The following PRDM16 variants were observed in gnomAD, a reference collection of about 807,000 sequenced individuals.
The protein encoded by PRDM16 is PR/SET domain 16.
PRDM16 carries 23 observed loss-of-function variants against 110.6 expected under a neutral mutation model. The observed-to-expected ratio is 0.21, with a 90% confidence interval of 0.15 to 0.29. The LOEUF (loss-of-function observed/expected upper bound fraction) is 0.29, where lower values mean the gene tolerates loss of function less well. Ranked by LOEUF, PRDM16 falls within the 10% of genes least tolerant of loss-of-function variation. The probability of loss-of-function intolerance (pLI) is 1.00; values close to 1 mark genes in which losing one functional copy is unlikely to be tolerated. For synonymous variants in PRDM16, 799 were observed against 781.8 expected (o/e 1.02, Z -0.37); for missense variants, 1,615 against 1,794.3 (o/e 0.90, Z 1.81).
chr1:3,083,305 C>G (rs1642072282), intron 1 of PRDM16, among the ~76,000 whole-genome samples: 1 of 152,238 alleles, frequency 6.6e-6, no homozygotes, highest in Non-Finnish European at 1.5e-5. Context: ...ACATCCCTCC[C>G]CATCATAGCC....
chr1:3,109,930 G>A (rs1379923661), intron 1 of PRDM16, among the ~76,000 whole-genome samples: 1 of 151,610 alleles, frequency 6.6e-6, no homozygotes, highest in Admixed American at 6.6e-5. Context: ...TGCGTGTGGG[G>A]ACACAGTGCT....
chr1:3,198,968 G>C (rs1368698968), intron 2 of PRDM16, among the ~76,000 whole-genome samples: 1 of 152,152 alleles, frequency 6.6e-6, no homozygotes, highest in African/African-American at 2.4e-5. Flanking sequence ...TAGGCCCCAG[G>C]CATTGTCTGT....
chr1:3,088,143 G>A (rs1642191911), intron 1 of PRDM16, among the ~76,000 whole-genome samples: 1 of 152,102 alleles, frequency 6.6e-6, no homozygotes, highest in Non-Finnish European at 1.5e-5. Flanking sequence ...CTCCACCGCT[G>A]CTGCCGGTGC....
chr1:3,240,409 A>C (rs1377739312), intron 2 of PRDM16, among the ~76,000 whole-genome samples: 1 of 109,732 alleles, frequency 9.1e-6, no homozygotes, highest in South Asian at 3.1e-4. Context: ...ACCTGTTTCA[A>C]AAAAAAAAAA....
intron 1 of PRDM16, among the ~76,000 whole-genome samples, chr1:3,162,384 C>T (rs1643906385): frequency 6.6e-6 from 1 of 152,180 alleles, no homozygotes; most frequent in Non-Finnish European, 1.5e-5. Flanking sequence ...CTTTCTTTCC[C>T]TGTGGATAGG....
At chr1:3,321,365 T>C (rs1310654116) in intron 3 of PRDM16, among the ~76,000 whole-genome samples, 6 of 144,076 alleles carry the variant, frequency 4.2e-5, no homozygotes, top group Admixed American at 4.1e-4. Flanking sequence ...TGTGTGTGAC[T>C]ATGTGCATTT....
chr1:3,116,056 G>A (rs989308745), intron 1 of PRDM16, among the ~76,000 whole-genome samples: 1 of 152,216 alleles, frequency 6.6e-6, no homozygotes, highest in African/African-American at 2.4e-5. Flanking sequence ...ACGCAGGCAG[G>A]TGTGGCCAGC....
Position 3,244,865 on chromosome 1 carries a change from G to T in PRDM16, c.438+728G>T, listed in dbSNP as rs923514705. On this transcript the variant is annotated intron_variant, in intron 3 of 16. Coordinates refer to ENST00000270722, the MANE Select transcript of PRDM16 (RefSeq NM_022114.4). The surrounding 1 kb of genome is among the most constrained non-coding windows in gnomAD (Gnocchi z 4.1). ...TCAGCAGCCAGAACTCCTCTTCGAC[G>T]GGATATGCATTGCCTGCACGCACAC... Among the ~76,000 whole-genome samples the T allele has an allele frequency of 1.3e-5, 2 of 152,218 alleles. No homozygotes were observed.
intron 1 of PRDM16, among the ~76,000 whole-genome samples, chr1:3,109,422 A>C (rs2993501): frequency 0.68 from 104,033 of 152,054 alleles, 37,736 homozygotes; most frequent in East Asian, 0.92. Flanking sequence ...ATGCAGGCTG[A>C]GGCTCTCTCT....
chr1:3,212,518 T>C (rs962071965), intron 2 of PRDM16, among the ~76,000 whole-genome samples: 2 of 151,746 alleles, frequency 1.3e-5, no homozygotes, highest in Non-Finnish European at 2.9e-5. Flanking sequence ...TCCGTCCCCA[T>C]GTTCTGGGCG....
chr1:3,231,300 G>A (rs923066729), intron 2 of PRDM16, among the ~76,000 whole-genome samples: 1 of 150,862 alleles, frequency 6.6e-6, no homozygotes, highest in Non-Finnish European at 1.5e-5. Context: ...TACGTCTTGA[G>A]CGCCATCACG....
intron 3 of PRDM16, among the ~76,000 whole-genome samples, chr1:3,282,915 G>A (rs983805933): frequency 2.6e-5 from 4 of 152,212 alleles, no homozygotes; most frequent in Admixed American, 1.3e-4. Context: ...AGTGAGAGGC[G>A]TGGTAGTATT....
rs1557534842 is a variant in PRDM16 at position 3,215,425 on chromosome 1, A to AC, written c.388-28662_388-28661insC. Among the ~76,000 whole-genome samples the AC allele has an allele frequency of 5.5e-4, 47 of 84,852 alleles. 1 individual carries two copies. Among genetic ancestry groups the AC allele is most frequent in the East Asian group, 4.0e-4 (1 of 2,482 alleles). The allele number at this position is 84,852 out of a possible 152,430, so 55.7% of individuals were successfully genotyped here. On this transcript the variant is annotated intron_variant, in intron 2 of 16. Transcript: ENST00000270722. ...TGGGTCCCGGGGACAGGCAAGGCCT[A>AC]TTGGGGTCCAGGAGAACAGAGCCTC...
chr1:3,181,677 C>T (rs111067917), intron 1 of PRDM16, among the ~76,000 whole-genome samples: 12,829 of 87,042 alleles, frequency 0.15, 624 homozygotes, highest in East Asian at 0.26. Flanking sequence ...GTCTTACACG[C>T]GCAGTCTTAC....
rs916391488 is a variant in PRDM16, at chr1:3,434,841, G to C, written c.*1030G>C. ...GGGAACCCAGCGCCGTCCTCTGAAG[G>C]CAGGGCCTTGGCCACGTCCTGGGTC... On this transcript the variant is annotated 3_prime_UTR_variant, in exon 17 of 17. Transcript: ENST00000270722. 3.4e-5 allele frequency: 8 copies of C among 231,966 alleles called. No individual in the cohort carries two copies. In the East Asian group the frequency reaches 4.9e-4, roughly 14 times the overall value. The allele number at this position is 231,966 out of a possible 1,614,324, so 14.4% of individuals were successfully genotyped here.
chr1:3,352,507 C>T (rs1642514938), intron 3 of PRDM16, among the ~76,000 whole-genome samples: 1 of 152,188 alleles, frequency 6.6e-6, no homozygotes, highest in South Asian at 2.1e-4. Context: ...GTTTGTTCTC[C>T]TTTCCTTTCC....
chr1:3,106,371 G>A, intron 1 of PRDM16, among the ~76,000 whole-genome samples: 1 of 152,186 alleles, frequency 6.6e-6, no homozygotes, highest in East Asian at 1.9e-4. Flanking sequence ...TTGAGAGCCT[G>A]GTGCTTCTGA....
intron 3 of PRDM16, among the ~76,000 whole-genome samples, chr1:3,381,070 C>T (rs1415347337): frequency 2.0e-5 from 3 of 152,238 alleles, no homozygotes; most frequent in Non-Finnish European, 4.4e-5. Flanking sequence ...AGGGAATTGG[C>T]CATCGCTTCA....
intron 10 of PRDM16, among the ~76,000 whole-genome samples, chr1:3,415,741 C>T (rs947878491): frequency 2.6e-5 from 4 of 152,240 alleles, no homozygotes; most frequent in African/African-American, 7.2e-5. Flanking sequence ...GCTGCCCCCA[C>T]GGGCCTGCCA....
Sources: allele counts gnomAD v4.1 joint callset (sites outside exome capture counted in the v4.1 genomes callset), GRCh38; gene constraint gnomAD v4.1.1; non-coding constraint Gnocchi (gnomAD v3.1); transcripts MANE v1.5; gene names NCBI Gene and HGNC (gene_info 2026-07-23, HGNC 2026-07-21).